CACNA1E: variants seen among roughly 807,000 people sequenced by gnomAD.
CACNA1E encodes the protein calcium voltage-gated channel subunit alpha1 E.
Under a neutral mutation model 259.2 loss-of-function variants are expected in CACNA1E, and 40 were observed. The ratio of observed to expected loss-of-function variants is 0.15; its 90% CI spans 0.12 to 0.20. The LOEUF is 0.20. Ranked by LOEUF, CACNA1E falls within the 10% of genes least tolerant of loss-of-function variation. The pLI, the probability that CACNA1E is intolerant of heterozygous loss-of-function variation, is 1.00. For synonymous variants in CACNA1E, 1,104 were observed against 1,138.5 expected, an observed-to-expected ratio of 0.97 and a Z score of 0.61; for missense variants, 1,874 against 3,040.1, an observed-to-expected ratio of 0.62 and a Z score of 9.02.
At chr1:181,578,978 A>G in intron 4 of CACNA1E, 94 bp from the exon 5 acceptor site, 2 of 1,088,704 alleles carry the variant, frequency 1.8e-6, no homozygotes, top group Non-Finnish European at 1.3e-6. Flanking sequence ...AGACGGCAGC[A>G]TGGATGAAAC....
chr1:181,738,598 A>G (rs1656277475), intron 24 of CACNA1E, among the ~76,000 whole-genome samples, 172 bp downstream of exon 24: 1 of 152,132 alleles, frequency 6.6e-6, no homozygotes, highest in African/African-American at 2.4e-5. Context: ...TGTCTCAGCA[A>G]GACACGGCTG....
At position 181,779,819 on chromosome 1, in the gene CACNA1E, T is replaced by TACACACACACACACACACACACAC. The variant is rs56301632; in HGVS notation, c.5268-1600_5268-1577dup. Among the ~76,000 whole-genome samples, 72 of 148,392 alleles carry TACACACACACACACACACACACAC rather than the reference T, an allele frequency of 4.9e-4. No individual in the cohort carries two copies. The Middle Eastern group carries it at 0.01, about 21-fold the overall frequency. ...TCATGTATGTGTGTATATGCACATGTACACACACACACACACACACACACA... is the reference window on the plus strand; with the variant it reads ...TCATGTATGTGTGTATATGCACATGTACACACACACACACACACACACACACACACACACACACACACACACACA... On this transcript the variant is annotated intron_variant, in intron 38 of 47. Transcript: ENST00000367573.
At chr1:181,401,152 T>C (rs917921519) in intron 1 of CACNA1E, among the ~76,000 whole-genome samples, 1 of 152,210 alleles carries the variant, frequency 6.6e-6, no homozygotes, top group Non-Finnish European at 1.5e-5. Context: ...CTGTCTTCCC[T>C]ATATCAGAAT....
chr1:181,393,517 G>A (rs935007636), intron 1 of CACNA1E, among the ~76,000 whole-genome samples: 14 of 152,162 alleles, frequency 9.2e-5, no homozygotes, highest in African/African-American at 2.9e-4. Flanking sequence ...GAGTGCAGTA[G>A]CGTGATCTTG....
At chr1:181,649,920 G>A (rs1312270397) in intron 6 of CACNA1E, among the ~76,000 whole-genome samples, 2 of 152,158 alleles carry the variant, frequency 1.3e-5, no homozygotes, top group Non-Finnish European at 2.9e-5. Flanking sequence ...TTAATACCTG[G>A]GTGATGAAAT....
chr1:181,578,130 A>G (rs1441198340), intron 4 of CACNA1E, among the ~76,000 whole-genome samples: 2 of 152,258 alleles, frequency 1.3e-5, no homozygotes, highest in Non-Finnish European at 2.9e-5. Flanking sequence ...TCTTTATCTT[A>G]TCACTCAGAA....
In CACNA1E at chr1:181,738,484, C is replaced by T. The variant is rs770552112; in HGVS notation, c.3612+58C>T. On this transcript the variant is annotated intron_variant, in intron 24 of 47. Coordinates refer to ENST00000367573, the MANE Select transcript of CACNA1E (RefSeq NM_001205293.3). ...GGTTTAGATGGGTCACCTGTCTGCT[C>T]CTTAGGCTAGAGCCCTTCCTCAGTG... 5 of 1,376,900 alleles carry T rather than the reference C, an allele frequency of 3.6e-6. No individual in the cohort carries two copies. In the African/African-American group the frequency reaches 5.7e-5, roughly 16 times the overall value. 85.3% of individuals were successfully genotyped at this position (1,376,900 alleles called of 1,614,324 possible).
At chr1:181,539,528 T>C (rs1668424969) in intron 3 of CACNA1E, among the ~76,000 whole-genome samples, 1 of 152,160 alleles carries the variant, frequency 6.6e-6, no homozygotes, top group Non-Finnish European at 1.5e-5. Flanking sequence ...ATGATCACCT[T>C]CATGGGAGGA....
At chr1:181,598,210 ACCGATTACCAGGG>A (rs1653390211) in intron 6 of CACNA1E, among the ~76,000 whole-genome samples, 1 of 152,164 alleles carries the variant, frequency 6.6e-6, no homozygotes, top group Non-Finnish European at 1.5e-5. Context: ...TGGAGTGCCG[ACCGATTACCAGGG>A]CCCGTGTTAG....
intron 3 of CACNA1E, among the ~76,000 whole-genome samples, chr1:181,538,354 A>G (rs560844784): frequency 3.2e-4 from 49 of 152,356 alleles, no homozygotes; most frequent in Admixed American, 2.7e-3. Context: ...TATATATTAC[A>G]TGCATTTTTA....
intron 6 of CACNA1E, among the ~76,000 whole-genome samples, chr1:181,646,511 C>T (rs1658278356): frequency 6.6e-6 from 1 of 152,156 alleles, no homozygotes; most frequent in South Asian, 2.1e-4. Flanking sequence ...CTGCCTTACT[C>T]CCAGCCCCAA....
rs1663550091 is a variant in CACNA1E, at chr1:181,484,002, C to T, written c.258C>T (p.Ile86=). 2 of 1,613,594 alleles carry T rather than the reference C, an allele frequency of 1.2e-6. No homozygotes were observed. Among genetic ancestry groups the T allele is most frequent in the Non-Finnish European group, 1.7e-6 (2 of 1,179,650 alleles). The stretch of plus-strand genomic sequence containing the variant: ...TCAGGAAATATGCCAAGAAGCTCAT[C>T]GATTGGCCATATCCTTTCTTGCCCA... The part of the protein sequence containing the change: ...NIVRKYAKKL[I]DWPPFEYMIL... Residue 86 remains isoleucine (I), a synonymous_variant, in exon 1 of 48, where the codon ATC becomes ATT. Coordinates refer to ENST00000367573, the MANE Select transcript of CACNA1E (RefSeq NM_001205293.3).
At chr1:181,646,303 AG>A (rs1204424089) in intron 6 of CACNA1E, among the ~76,000 whole-genome samples, 5 of 152,188 alleles carry the variant, frequency 3.3e-5, no homozygotes, top group Non-Finnish European at 7.4e-5. Context: ...TAATGGGTAG[AG>A]GCCAGGAATG....
intron 6 of CACNA1E, among the ~76,000 whole-genome samples, chr1:181,599,785 GA>G (rs1028642449): frequency 1.3e-5 from 2 of 152,190 alleles, no homozygotes; most frequent in African/African-American, 4.8e-5. Context: ...TATGCTCAGT[GA>G]AAACACAAAG....
At chr1:181,325,218 A>G (rs1650675010) in intron 1 of CACNA1E, among the ~76,000 whole-genome samples, 1 of 152,196 alleles carries the variant, frequency 6.6e-6, no homozygotes, top group Non-Finnish European at 1.5e-5. Flanking sequence ...CTCAACTTCT[A>G]GCCTTTGAGA....
intron 1 of CACNA1E, among the ~76,000 whole-genome samples, chr1:181,335,258 C>T (rs1449462265): frequency 6.6e-6 from 1 of 152,188 alleles, no homozygotes; most frequent in Non-Finnish European, 1.5e-5. Context: ...GGTTGCAGAC[C>T]ATGTAGGGAA....
intron 7 of CACNA1E, chr1:181,668,748 G>T (rs756365821): frequency 6.6e-6 from 1 of 152,108 alleles, no homozygotes; most frequent in African/African-American, 2.4e-5. Flanking sequence ...TGTAGACCCA[G>T]GCTGGGCATG....
In CACNA1E at chr1:181,641,723, T is replaced by TG. The variant is rs1386870885; in HGVS notation, c.952-9615_952-9614insG. On this transcript the variant is annotated intron_variant, in intron 6 of 47. Transcript: ENST00000367573. Reference sequence around the variant, plus strand: ...TTTTTGTTTTTTTTTTTTTTTTTTTTTTTTTTTTGAGACAGAGTCTCGCTC... The same window carrying TG: ...TTTTTGTTTTTTTTTTTTTTTTTTTTGTTTTTTTTGAGACAGAGTCTCGCTC... Among the ~76,000 whole-genome samples the TG allele has an allele frequency of 9.8e-5, 14 of 143,352 alleles. 1 individual carries two copies. The highest frequency in any genetic ancestry group is 1.7e-4 in the Non-Finnish European group (11 of 66,172). The allele number at this position is 143,352 out of a possible 152,430, so 94.0% of individuals were successfully genotyped here.
intron 2 of CACNA1E, among the ~76,000 whole-genome samples, chr1:181,458,754 A>G (rs765981240): frequency 5.9e-5 from 9 of 152,058 alleles, no homozygotes; most frequent in Non-Finnish European, 1.0e-4. Flanking sequence ...TTGCCTTTCT[A>G]TCTTTCACTT....
Sources: allele counts gnomAD v4.1 joint callset (sites outside exome capture counted in the v4.1 genomes callset), GRCh38; gene constraint gnomAD v4.1.1; transcripts MANE v1.5; gene names NCBI Gene and HGNC (gene_info 2026-07-23, HGNC 2026-07-21).